SLC28A1: variants seen among roughly 807,000 people sequenced by gnomAD.
SLC28A1 encodes the protein solute carrier family 28 member 1, also known as sodium/nucleoside cotransporter 1.
SLC28A1 carries 64 observed loss-of-function variants against 74.8 expected under a neutral mutation model. The observed-to-expected ratio is 0.86, with a 90% CI of 0.70 to 1.05. The LOEUF is 1.05. SLC28A1 is among the 50% of genes least tolerant of loss of function. The probability of loss-of-function intolerance (pLI) is 0.00; values close to 1 mark genes in which losing one functional copy is unlikely to be tolerated. For synonymous variants in SLC28A1, 359 were observed against 335.0 expected (o/e 1.07, Z -0.78); for missense variants, 828 against 822.8 (o/e 1.01, Z -0.08).
the SLC28A1 span, among the ~76,000 whole-genome samples, chr15:84,954,066 A>T: frequency 6.6e-6 from 1 of 152,192 alleles, no homozygotes. Context: ...CCATCAGAAA[A>T]TCATGGGTTC....
At chr15:84,935,758 G>C (rs989118670) in intron 15 of SLC28A1, among the ~76,000 whole-genome samples, 1 of 152,122 alleles carries the variant, frequency 6.6e-6, no homozygotes, top group Non-Finnish European at 1.5e-5. Flanking sequence ...ATGTCTGAAA[G>C]CTGGCTCTAG....
At chr15:84,946,388 G>A (rs1022836166), downstream of SLC28A1, among the ~76,000 whole-genome samples, 2 of 151,964 alleles carry the variant, frequency 1.3e-5, no homozygotes, top group Admixed American at 6.6e-5. Context: ...GGCACTGTGT[G>A]CCAGGCACTG....
chr15:84,957,781 A>G, the SLC28A1 span, among the ~76,000 whole-genome samples: 1 of 152,164 alleles, frequency 6.6e-6, no homozygotes, highest in African/African-American at 2.4e-5. Flanking sequence ...CTTTTTAAAG[A>G]TTGTTTAAGC....
intron 9 of SLC28A1, 30 bp from the exon 10 acceptor site, chr15:84,918,494 C>G: frequency 6.3e-7 from 1 of 1,592,492 alleles, no homozygotes; most frequent in Non-Finnish European, 8.6e-7. Flanking sequence ...CTGCCTCTAA[C>G]CTGCGGTCCT....
Position 84,905,657 on chromosome 15 carries a change from G to C in SLC28A1, c.717+5G>C, listed in dbSNP as rs367981393. 8.8e-6 allele frequency: 14 copies of C among 1,598,904 alleles called. No individual in the cohort carries two copies. The African/African-American group carries it at 1.9e-4, about 21-fold the overall frequency. ...TGGCTGGGCGAGCAGATCCGGGTAG[G>C]TATGTGGGGTCTGGCTGCCCAGAGC... is the stretch of plus-strand genomic sequence containing the variant. On this transcript the variant is annotated splice_donor_5th_base_variant and intron_variant, in intron 8 of 18. Transcript: ENST00000394573.
chr15:84,967,634 A>G, the SLC28A1 span, among the ~76,000 whole-genome samples: 1 of 152,264 alleles, frequency 6.6e-6, no homozygotes, highest in Non-Finnish European at 1.5e-5. Context: ...GAGACTTGGC[A>G]GCAGACGTTG....
chr15:84,924,055 C>A lies in SLC28A1; in HGVS notation c.1028C>A (p.Thr343Asn). The change falls in exon 12 of 19, where the codon ACC becomes AAC. Residue 343 changes from threonine (T) to asparagine (N), a missense_variant. Transcript: ENST00000394573. ...MTLSEVHVVM[T>N]GGYATIAGSL... ...CTCTCTGAAGTCCACGTTGTCATGA[C>A]CGGAGGTTACGCCACCATTGCTGGC... is the stretch of plus-strand genomic sequence containing the variant. 6.2e-7 allele frequency: 1 copy of A among 1,614,022 alleles called. No individual in the cohort carries two copies. The highest frequency in any genetic ancestry group is 8.5e-7 in the Non-Finnish European group (1 of 1,179,998).
the SLC28A1 span, among the ~76,000 whole-genome samples, chr15:84,953,579 A>C: frequency 6.6e-6 from 1 of 152,106 alleles, no homozygotes; most frequent in Non-Finnish European, 1.5e-5. Context: ...AAAATTTAAA[A>C]ATTAGCCCAG....
At chr15:84,890,682 G>A in intron 5 of SLC28A1, 148 bp downstream of exon 5, 2 of 716,626 alleles carry the variant, frequency 2.8e-6, no homozygotes, top group Non-Finnish European at 5.0e-6. Flanking sequence ...GGGTACTGAG[G>A]CATCTGTTAA....
chr15:84,911,153 G>A (rs551443262), intron 9 of SLC28A1, among the ~76,000 whole-genome samples: 44 of 152,044 alleles, frequency 2.9e-4, no homozygotes, highest in African/African-American at 9.9e-4. Context: ...ACTGGCCCGC[G>A]TCTCTCCTGC....
At chr15:84,911,760 G>A (rs1968258598) in intron 9 of SLC28A1, among the ~76,000 whole-genome samples, 1 of 151,100 alleles carries the variant, frequency 6.6e-6, no homozygotes, top group African/African-American at 2.4e-5. Flanking sequence ...CCAGGAGGCT[G>A]AGGCAGGAGA....
intron 1 of SLC28A1, 86 bp from the exon 2 acceptor site, chr15:84,886,586 C>T (rs575958194): frequency 2.0e-6 from 2 of 985,516 alleles, no homozygotes; most frequent in Admixed American, 1.2e-4. Context: ...GGGGTCCCCA[C>T]CCTGGCTGTG....
intron 16 of SLC28A1, among the ~76,000 whole-genome samples, chr15:84,943,782 A>T (rs533946898): frequency 9.2e-5 from 14 of 152,226 alleles, no homozygotes; most frequent in African/African-American, 3.4e-4. Context: ...TACAAAAATT[A>T]GCCAGGCGTG....
chr15:84,927,442 T>G (rs911797215), intron 12 of SLC28A1, among the ~76,000 whole-genome samples: 2 of 152,142 alleles, frequency 1.3e-5, no homozygotes, highest in Non-Finnish European at 2.9e-5. Context: ...CTAATACTAA[T>G]CGACTGAGTG....
chr15:84,947,031 T>G (rs1175500683), downstream of SLC28A1, among the ~76,000 whole-genome samples: 1 of 152,194 alleles, frequency 6.6e-6, no homozygotes, highest in Non-Finnish European at 1.5e-5. Flanking sequence ...CAGCAGTTAT[T>G]CAGCTCAGCC....
At position 84,908,739 on chromosome 15, in the gene SLC28A1, G is replaced by C. The variant is rs781598995; in HGVS notation, c.739G>C (p.Ala247Pro). Residue 247 changes from alanine to proline, a missense_variant, in exon 9 of 19, where the codon GCT (alanine) becomes CCT (proline). This residue lies in a region of SLC28A1 where 767 missense variants were observed against 753.5 expected (regional missense o/e 1.02). Transcript: ENST00000394573. ...TCAGATCTTCCTGAGCTACACGAAG[G>C]CTGGCTCCAGCTTCGTGTTTGGGGA... ...QIRIFLSYTK[A>P]GSSFVFGEAL... 8.1e-6 allele frequency: 13 copies of C among 1,613,864 alleles called. No homozygotes were observed. The highest frequency in any genetic ancestry group is 1.1e-5 in the South Asian group (1 of 91,078).
chr15:84,935,491 G>A lies in SLC28A1; in HGVS notation c.1554G>A (p.Trp518Ter). ...KQRRLAGAEE[W>*]VGDRKQWISV... The stretch of plus-strand genomic sequence containing the variant: ...GCCGCCTGGCAGGGGCCGAGGAGTG[G>A]GTCGGCGACAGGAAGCAGTGGATCT... The change falls in exon 15 of 19, where the codon TGG becomes TGA. Residue 518 changes from tryptophan to a stop codon, truncating the protein, a stop_gained. Transcript: ENST00000394573. LOFTEE classifies it high-confidence loss of function. 1 of 1,613,934 alleles carries A rather than the reference G, an allele frequency of 6.2e-7. No individual in the cohort carries two copies. Among genetic ancestry groups the A allele is most frequent in the Non-Finnish European group, 8.5e-7 (1 of 1,179,966 alleles).
rs371256197 is a variant in SLC28A1, at chr15:84,908,804, G to C, written c.795+9G>C. Reference sequence around the variant, plus strand: ...ATGTCTTTGCCTTTCAGGTCAGCTTGACTCAGGGTCCCAGAGGCCTTTAGC... The same window carrying C: ...ATGTCTTTGCCTTTCAGGTCAGCTTCACTCAGGGTCCCAGAGGCCTTTAGC... On this transcript the variant is annotated intron_variant, in intron 9 of 18. Transcript: ENST00000394573. 5 of 1,612,394 alleles carry C rather than the reference G, an allele frequency of 3.1e-6. No homozygotes were observed. The highest frequency in any genetic ancestry group is 1.3e-5 in the African/African-American group (1 of 74,972).
At chr15:84,946,072 G>C (rs8037989), downstream of SLC28A1, among the ~76,000 whole-genome samples, 1 of 58,506 alleles carries the variant, frequency 1.7e-5, no homozygotes, top group East Asian at 3.3e-4. Context: ...ATATATATAT[G>C]TGTGTGTATG....
Sources: gnomAD v4.1 joint callset for allele counts (sites outside exome capture counted in the v4.1 genomes callset) on GRCh38, gnomAD v4.1.1 for gene constraint, gnomAD v4.1.1 regional missense constraint, MANE v1.5 for transcripts, NCBI Gene and HGNC (gene_info 2026-07-23, HGNC 2026-07-21) for gene names.